The following TBXAS1 variants were observed in gnomAD, a reference collection of about 807,000 sequenced individuals.
The protein encoded by TBXAS1 is thromboxane A synthase 1, also known as thromboxane-A synthase.
In TBXAS1, 48 loss-of-function variants were observed where a neutral mutation model predicts 60.7. The ratio of observed to expected loss-of-function variants is 0.79; its 90% confidence interval spans 0.63 to 1.01. The LOEUF is 1.01. Among genes scored for constraint, TBXAS1 ranks in the 50% least tolerant of loss-of-function variants. TBXAS1 has a pLI of 0.00. For missense variants in TBXAS1, 685 were observed against 686.3 expected (o/e 1.00, Z 0.02); for synonymous variants, 287 against 269.7 (o/e 1.06, Z -0.63).
intron 1 of TBXAS1, among the ~76,000 whole-genome samples, chr7:139,833,063 A>G (rs533693110): frequency 5.6e-4 from 85 of 152,314 alleles, no homozygotes; most frequent in African/African-American, 2.0e-3. Context: ...AAAAAGCAAA[A>G]GCAAAAAACA....
intron 3 of TBXAS1, 188 bp downstream of exon 3, chr7:139,875,825 G>A: frequency 1.3e-6 from 1 of 745,370 alleles, no homozygotes; most frequent in Non-Finnish European, 2.2e-6. Context: ...AGAAGACCCT[G>A]GGGTTGCCCA....
intron 2 of TBXAS1, chr7:139,782,535 G>A (rs1160322677): frequency 1.3e-5 from 2 of 152,016 alleles, no homozygotes; most frequent in African/African-American, 2.4e-5. Flanking sequence ...ACAGGATAGA[G>A]ATAACCCTCT....
At chr7:139,870,864 G>T (rs936841358) in intron 1 of TBXAS1, among the ~76,000 whole-genome samples, 16 of 152,296 alleles carry the variant, frequency 1.1e-4, no homozygotes, top group African/African-American at 3.8e-4. Flanking sequence ...CAAGGCAGGA[G>T]GACCGCTTGA....
At chr7:139,884,391 A>G (rs1802921975) in intron 3 of TBXAS1, among the ~76,000 whole-genome samples, 2 of 152,228 alleles carry the variant, frequency 1.3e-5, no homozygotes, top group South Asian at 2.1e-4. Context: ...TTGGGTGTAA[A>G]TATCTAAGTA....
rs1801366421 is a variant in TBXAS1 at position 139,865,837 on chromosome 7, A to AGG, written c.90-6398_90-6397insGG. On this transcript the variant is annotated intron_variant, in intron 1 of 12. Transcript: ENST00000448866. ...GAAGGGAGGGAGGGAGGGAGGGGGG[A>AGG]AAGGAAGAAGGAAGGAGGGAGGGAG... 1.4e-4 allele frequency among the ~76,000 whole-genome samples: 11 copies of AGG among 77,500 alleles called. 1 individual carries two copies. The highest frequency in any genetic ancestry group is 6.3e-4 in the African/African-American group (11 of 17,598). 50.8% of individuals were successfully genotyped at this position (77,500 alleles called of 152,430 possible).
Position 139,911,218 on chromosome 7 carries a change from C to T in TBXAS1, c.237-7C>T, listed in dbSNP as rs376017768. The T allele has an allele frequency of 3.1e-6, 5 of 1,613,366 alleles. No homozygotes were observed. The African/African-American group carries it at 6.7e-5, about 22-fold the overall frequency. Reference sequence around the variant, plus strand: ...ACACATTTTAATGCATTTTTTATTCCTCCCAGGTACTATCTTGGTCGTCGG... The same window carrying T: ...ACACATTTTAATGCATTTTTTATTCTTCCCAGGTACTATCTTGGTCGTCGG... On this transcript the variant is annotated splice_region_variant and splice_polypyrimidine_tract_variant and intron_variant, in intron 3 of 12. Coordinates refer to ENST00000448866, the MANE Select transcript of TBXAS1 (RefSeq NM_001061.7).
chr7:139,905,003 CTCTCTTTCTTTCTTTCTT>C (rs1804888977), intron 3 of TBXAS1, among the ~76,000 whole-genome samples: 4 of 88,108 alleles, frequency 4.5e-5, no homozygotes, highest in African/African-American at 2.1e-4. Context: ...TTCTCTCTTT[CTCTCTTTCTTTCTTTCTT>C]TCTTTCTTTC....
intron 9 of TBXAS1, among the ~76,000 whole-genome samples, chr7:139,970,746 G>A (rs780552921): frequency 6.6e-6 from 1 of 152,172 alleles, no homozygotes; most frequent in Non-Finnish European, 1.5e-5. Context: ...ATTTTCTTCA[G>A]TAATTGTTTC....
intron 4 of TBXAS1, among the ~76,000 whole-genome samples, chr7:139,931,799 C>T (rs1252096245): frequency 2.6e-5 from 4 of 151,392 alleles, no homozygotes. Context: ...CCATATCACT[C>T]ATTCCTTTGG....
intron 4 of TBXAS1, among the ~76,000 whole-genome samples, chr7:139,924,914 G>C (rs1277776242): frequency 2.0e-5 from 3 of 152,162 alleles, no homozygotes; most frequent in Admixed American, 1.3e-4. Context: ...TGAAGAGACT[G>C]TCCTTTTCTC....
At chr7:139,874,888 A>G (rs1467086037) in intron 2 of TBXAS1, among the ~76,000 whole-genome samples, 2 of 152,256 alleles carry the variant, frequency 1.3e-5, no homozygotes, top group African/African-American at 4.8e-5. Flanking sequence ...TGAGGTCAGG[A>G]GTTCCAGACC....
At position 139,896,531 on chromosome 7, in the gene TBXAS1, T is replaced by G. The variant is rs1432074715; in HGVS notation, c.237-14694T>G. ...CTCACAGGGGCTTCCTGGGCTATGG[T>G]ATTTTACACATTCGTGACAAATACA... On this transcript the variant is annotated intron_variant, in intron 3 of 12. Coordinates refer to ENST00000448866, the MANE Select transcript of TBXAS1 (RefSeq NM_001061.7). This position sits in a 1 kb window ranked among gnomAD's most constrained non-coding sequence, Gnocchi z 4.0. Among the ~76,000 whole-genome samples the G allele has an allele frequency of 6.6e-6, 1 of 152,194 alleles. No individual in the cohort carries two copies. Among genetic ancestry groups the G allele is most frequent in the African/African-American group, 2.4e-5 (1 of 41,442 alleles).
rs1233044094 is a variant in TBXAS1, at chr7:139,878,252, GGAGA to G, written c.236+2623_236+2626del. Among the ~76,000 whole-genome samples, 8 of 151,220 alleles carry G rather than the reference GGAGA, an allele frequency of 5.3e-5. No individual in the cohort carries two copies. In the East Asian group the frequency reaches 9.7e-4, roughly 18 times the overall value. Reference sequence around the variant, plus strand: ...GAAGAGGGGGAGAGAGAGAGAGAGAGGAGAGAGAGAGGTGGAGCGAATTGGTTTC... The same window carrying G: ...GAAGAGGGGGAGAGAGAGAGAGAGAGGAGAGAGGTGGAGCGAATTGGTTTC... On this transcript the variant is annotated intron_variant, in intron 3 of 12. Coordinates refer to ENST00000448866, the MANE Select transcript of TBXAS1 (RefSeq NM_001061.7).
intron 1 of TBXAS1, among the ~76,000 whole-genome samples, chr7:139,851,468 A>G (rs1295641424): frequency 6.6e-6 from 1 of 152,256 alleles, no homozygotes. Context: ...TATTAAACAT[A>G]CAGTTTTCTG....
At chr7:140,018,564 C>A (rs368314851) in intron 12 of TBXAS1, among the ~76,000 whole-genome samples, 3 of 152,274 alleles carry the variant, frequency 2.0e-5, no homozygotes, top group East Asian at 1.9e-4. Context: ...ATCTCCCCCC[C>A]ACATCACACA....
At chr7:139,879,513 G>A (rs1802520219) in intron 3 of TBXAS1, among the ~76,000 whole-genome samples, 1 of 152,028 alleles carries the variant, frequency 6.6e-6, no homozygotes, top group Non-Finnish European at 1.5e-5. Flanking sequence ...TGAGCCCCAA[G>A]TTGGATTTAT....
At chr7:139,805,696 TTCTTTCTTTCTTTC>T (rs1569492486) in intron 4 of TBXAS1, among the ~76,000 whole-genome samples, 10 of 36,356 alleles carry the variant, frequency 2.8e-4, no homozygotes, top group African/African-American at 9.2e-4. Context: ...CTTTCTTTCT[TTCTTTCTTTCTTTC>T]TTTCTCTCTC....
upstream of TBXAS1, among the ~76,000 whole-genome samples, chr7:139,826,503 G>C (rs1022671394): frequency 6.6e-6 from 1 of 152,184 alleles, no homozygotes; most frequent in Non-Finnish European, 1.5e-5. Context: ...CTTGGCACCT[G>C]TGCGGTTCAC....
intron 4 of TBXAS1, among the ~76,000 whole-genome samples, chr7:139,805,933 C>CTTTTT (rs35769530): frequency 4.8e-5 from 5 of 104,772 alleles, no homozygotes; most frequent in Non-Finnish European, 9.0e-5. Flanking sequence ...CAAATTTTTG[C>CTTTTT]TTTTTTTTTT....
Sources: gnomAD v4.1 joint callset for allele counts (sites outside exome capture counted in the v4.1 genomes callset) on GRCh38, gnomAD v4.1.1 for gene constraint, Gnocchi (gnomAD v3.1) non-coding constraint, MANE v1.5 for transcripts, NCBI Gene and HGNC (gene_info 2026-07-23, HGNC 2026-07-21) for gene names.